The following GET3 variants were observed in gnomAD, a reference collection of about 807,000 sequenced individuals.
GET3 encodes the protein ATPase GET3.
In GET3, 15 loss-of-function variants were observed where a neutral mutation model predicts 32.4. The ratio of observed to expected loss-of-function variants is 0.46; its 90% CI spans 0.31 to 0.71. GET3 has a LOEUF of 0.71. Ranked by LOEUF, GET3 falls within the 30% of genes least tolerant of loss-of-function variation. The pLI, the probability that GET3 is intolerant of heterozygous loss-of-function variation, is 0.05. For missense variants in GET3, 333 were observed against 459.0 expected (o/e 0.73, Z 2.51); for synonymous variants, 198 against 185.6 (o/e 1.07, Z -0.54).
rs370605377 is a variant in GET3, at chr19:12,745,582, G to C, written c.459-27G>C. On this transcript the variant is annotated intron_variant, in intron 3 of 6. Transcript: ENST00000357332. This position sits in a 1 kb window ranked among gnomAD's most constrained non-coding sequence, Gnocchi z 5.0. ...CTGGGGAAGGGGAAGAGCGGACACA[G>C]AGGGCCTGACCCCTGTCTCCCCTCA... The C allele has an allele frequency of 6.8e-6, 11 of 1,612,392 alleles. No individual in the cohort carries two copies. The highest frequency in any genetic ancestry group is 1.3e-5 in the African/African-American group (1 of 74,862).
Position 12,747,206 on chromosome 19 carries a change from A to G in GET3, c.619A>G (p.Met207Val), listed in dbSNP as rs1323976623. 2.5e-6 allele frequency: 4 copies of G among 1,602,736 alleles called. No individual in the cohort carries two copies. Among genetic ancestry groups the G allele is most frequent in the East Asian group, 2.2e-5 (1 of 44,774 alleles). ...ISPFISQMCN[M>V]LGLGDMNADQ... Reference sequence around the variant, plus strand: ...CACATCCCCCCTGCAGATGTGCAACATGCTGGGCCTGGGGGACATGAACGC... The same window carrying G: ...CACATCCCCCCTGCAGATGTGCAACGTGCTGGGCCTGGGGGACATGAACGC... Residue 207 changes from methionine (M) to valine (V), a missense_variant, in exon 5 of 7, where the codon ATG becomes GTG. Met to Val is a conservative substitution (Grantham distance 21). Transcript: ENST00000357332. This position sits in a 1 kb window ranked among gnomAD's most constrained non-coding sequence, Gnocchi z 4.0.
rs202237708 is a variant in GET3 at position 12,738,501 on chromosome 19, C to T, written c.162-10C>T. The T allele has an allele frequency of 3.1e-6, 5 of 1,613,886 alleles. No homozygotes were observed. Among genetic ancestry groups the T allele is most frequent in the Non-Finnish European group, 4.2e-6 (5 of 1,179,962 alleles). On this transcript the variant is annotated splice_polypyrimidine_tract_variant and intron_variant, in intron 1 of 6. Transcript: ENST00000357332. Reference sequence around the variant, plus strand: ...CTCATCCCCTATCTTTTGACTTTTCCATTACTCAGCTGCAGCCTGGCAGTC... The same window carrying T: ...CTCATCCCCTATCTTTTGACTTTTCTATTACTCAGCTGCAGCCTGGCAGTC...
chr19:12,747,371 A>T lies in GET3; in HGVS notation c.718-24A>T, dbSNP rs937568511. On this transcript the variant is annotated intron_variant, in intron 5 of 6. Coordinates refer to ENST00000357332, the MANE Select transcript of GET3 (RefSeq NM_004317.4). This position sits in a 1 kb window ranked among gnomAD's most constrained non-coding sequence, Gnocchi z 4.0. The stretch of plus-strand genomic sequence containing the variant: ...AGGACAGGGGCAGACCCCGCCCCTC[A>T]CTGTCCTCTCTCGTGCCCTGTAGGA... The T allele has an allele frequency of 2.5e-6, 4 of 1,613,468 alleles. No homozygotes were observed. Among genetic ancestry groups the T allele is most frequent in the Non-Finnish European group, 3.4e-6 (4 of 1,179,508 alleles).
rs1382158341 is a variant in GET3 at position 12,747,933 on chromosome 19, C to A, written c.916-40C>A. 4 of 1,540,818 alleles carry A rather than the reference C, an allele frequency of 2.6e-6. No individual in the cohort carries two copies. Among genetic ancestry groups the A allele is most frequent in the East Asian group, 4.5e-5 (2 of 44,060 alleles). ...TCCACACTCTGTCTCTGCCTTCCTG[C>A]CCCCTGACCACTGCCTTCTACCCTC... On this transcript the variant is annotated intron_variant, in intron 6 of 6. Transcript: ENST00000357332. The surrounding 1 kb of genome is among the most constrained non-coding windows in gnomAD (Gnocchi z 4.0).
Position 12,748,162 on chromosome 19 carries a change from C to A in GET3, c.*58C>A. Reference sequence around the variant, plus strand: ...CACTCACCCTCCACCCTCCCCACCCCCTCGGGGCAGAGTTTGCACAAAGTC... The same window carrying A: ...CACTCACCCTCCACCCTCCCCACCCACTCGGGGCAGAGTTTGCACAAAGTC... On this transcript the variant is annotated 3_prime_UTR_variant, in exon 7 of 7. Transcript: ENST00000357332. 6.7e-7 allele frequency: 1 copy of A among 1,494,480 alleles called. No homozygotes were observed. Among genetic ancestry groups the A allele is most frequent in the East Asian group, 2.4e-5 (1 of 41,434 alleles). 92.6% of individuals were successfully genotyped at this position (1,494,480 alleles called of 1,614,324 possible).
rs187004022 is a variant in GET3, at chr19:12,744,171, G to A, written c.310-1206G>A. Among the ~76,000 whole-genome samples, 524 of 145,826 alleles carry A rather than the reference G, an allele frequency of 3.6e-3. 5 individuals carry two copies. Among genetic ancestry groups the A allele is most frequent in the African/African-American group, 0.012 (490 of 39,478 alleles). The stretch of plus-strand genomic sequence containing the variant: ...GTGGAGGTTGTGATGAGCTGAGATC[G>A]CGCCACTGCACTCCAGCCTAGGCAA... On this transcript the variant is annotated intron_variant, in intron 2 of 6. Transcript: ENST00000357332.
intron 2 of GET3, among the ~76,000 whole-genome samples, chr19:12,739,561 A>G (rs944007162): frequency 6.6e-6 from 1 of 152,222 alleles, no homozygotes; most frequent in South Asian, 2.1e-4. Context: ...AGCAGCTGGG[A>G]TGGGGAAAAC....
intron 4 of GET3, among the ~76,000 whole-genome samples, chr19:12,746,123 G>A (rs369104580): frequency 2.0e-5 from 3 of 152,132 alleles, no homozygotes; most frequent in South Asian, 4.1e-4. Flanking sequence ...TCATGAGAGT[G>A]CCCCATGGGT....
At position 12,747,148 on chromosome 19, in the gene GET3, A is replaced by C; in HGVS notation, c.610-49A>C. ...CGGGTGTTTAGTGAACCCCCAACCCAGGAGGTCGCCGCAGGTAAGCTATGA... is the reference window on the plus strand; with the variant it reads ...CGGGTGTTTAGTGAACCCCCAACCCCGGAGGTCGCCGCAGGTAAGCTATGA... On this transcript the variant is annotated intron_variant, in intron 4 of 6. Coordinates refer to ENST00000357332, the MANE Select transcript of GET3 (RefSeq NM_004317.4). This position sits in a 1 kb window ranked among gnomAD's most constrained non-coding sequence, Gnocchi z 4.0. The C allele has an allele frequency of 6.7e-7, 1 of 1,501,394 alleles. No homozygotes were observed. Among genetic ancestry groups the C allele is most frequent in the Non-Finnish European group, 9.0e-7 (1 of 1,116,176 alleles). 93.0% of individuals were successfully genotyped at this position (1,501,394 alleles called of 1,614,324 possible).
rs140119450 is a variant in GET3, at chr19:12,745,645, T to C, written c.495T>C (p.Phe165=). The change falls in exon 4 of 7, where the codon TTT becomes TTC. Residue 165 remains phenylalanine, a synonymous_variant. Coordinates refer to ENST00000357332, the MANE Select transcript of GET3 (RefSeq NM_004317.4). This position sits in a 1 kb window ranked among gnomAD's most constrained non-coding sequence, Gnocchi z 5.0. ...GCATGAACTTCTCGGTGGTGGTATT[T>C]GACACGGCACCCACGGGCCACACCC... is the stretch of plus-strand genomic sequence containing the variant. The part of the protein sequence containing the change: ...VKGMNFSVVV[F]DTAPTGHTLR... 6.4e-5 allele frequency: 103 copies of C among 1,607,328 alleles called. No homozygotes were observed. The highest frequency in any genetic ancestry group is 8.1e-5 in the Non-Finnish European group (95 of 1,178,106).
chr19:12,738,755 A>G (rs901226294), intron 2 of GET3, 97 bp downstream of exon 2: 24 of 1,462,866 alleles, frequency 1.6e-5, no homozygotes, highest in Admixed American at 3.9e-5. Context: ...TATCCACTCT[A>G]TATCCTGTGT....
In GET3 at chr19:12,738,591, A is replaced by G; in HGVS notation, c.242A>G (p.Asp81Gly). 6.2e-7 allele frequency: 1 copy of G among 1,614,224 alleles called. No individual in the cohort carries two copies. Among genetic ancestry groups the G allele is most frequent in the Non-Finnish European group, 8.5e-7 (1 of 1,180,042 alleles). The change falls in exon 2 of 7, where the codon GAT (aspartate) becomes GGT (glycine). Residue 81 changes from aspartate (D) to glycine (G), a missense_variant. Asp to Gly is a moderately conservative substitution (Grantham distance 94). Around this residue, in one of 3 missense-constraint regions of GET3, gnomAD observed 230 missense variants for 389.2 expected, o/e 0.59. Transcript: ENST00000357332. The part of the protein sequence containing the change: ...ISTDPAHNIS[D>G]AFDQKFSKVP... ...ACAGACCCAGCACACAACATCTCAGATGCTTTTGACCAGAAGTTCTCAAAG... is the reference window on the plus strand; with the variant it reads ...ACAGACCCAGCACACAACATCTCAGGTGCTTTTGACCAGAAGTTCTCAAAG...
chr19:12,739,292 C>G (rs1225861063), intron 2 of GET3, among the ~76,000 whole-genome samples: 21 of 152,102 alleles, frequency 1.4e-4, no homozygotes, highest in Admixed American at 1.4e-3. Context: ...CTCAGCCTCC[C>G]GAGTAGCTGG....
chr19:12,747,384 G>C lies in GET3; in HGVS notation c.718-11G>C, dbSNP rs761286718. Reference sequence around the variant, plus strand: ...ACCCCGCCCCTCACTGTCCTCTCTCGTGCCCTGTAGGAGCAGACAACTTTC... The same window carrying C: ...ACCCCGCCCCTCACTGTCCTCTCTCCTGCCCTGTAGGAGCAGACAACTTTC... On this transcript the variant is annotated splice_polypyrimidine_tract_variant and intron_variant, in intron 5 of 6. Transcript: ENST00000357332. This position sits in a 1 kb window ranked among gnomAD's most constrained non-coding sequence, Gnocchi z 4.0. 8 of 1,613,926 alleles carry C rather than the reference G, an allele frequency of 5.0e-6. No homozygotes were observed. The highest frequency in any genetic ancestry group is 5.9e-6 in the Non-Finnish European group (7 of 1,179,980).
intron 2 of GET3, among the ~76,000 whole-genome samples, chr19:12,742,392 C>T (rs530251219): frequency 7.1e-4 from 108 of 151,758 alleles, no homozygotes; most frequent in South Asian, 1.9e-3. Flanking sequence ...CCACCACATC[C>T]GGCTAATTTT....
In GET3 at chr19:12,737,523, C is replaced by G; in HGVS notation, c.18C>G (p.Ala6=). 6.4e-7 allele frequency: 1 copy of G among 1,561,224 alleles called. No individual in the cohort carries two copies. Among genetic ancestry groups the G allele is most frequent in the Non-Finnish European group, 8.7e-7 (1 of 1,155,690 alleles). Residue 6 remains alanine, a synonymous_variant, in exon 1 of 7, where the codon GCC becomes GCG. Transcript: ENST00000357332. MAAGV[A]GWGVEAEEFE... ...GTTCCAAAATGGCGGCAGGGGTGGCCGGGTGGGGGGTTGAGGCAGAGGAGT... is the reference window on the plus strand; with the variant it reads ...GTTCCAAAATGGCGGCAGGGGTGGCGGGGTGGGGGGTTGAGGCAGAGGAGT...
In GET3 at chr19:12,738,593, G is replaced by A. The variant is rs139679019; in HGVS notation, c.244G>A (p.Ala82Thr). 2.1e-5 allele frequency: 34 copies of A among 1,614,228 alleles called. No individual in the cohort carries two copies. Among genetic ancestry groups the A allele is most frequent in the Non-Finnish European group, 2.9e-5 (34 of 1,180,050 alleles). Residue 82 changes from alanine to threonine, a missense_variant, in exon 2 of 7, where the codon GCT becomes ACT. By Grantham distance (58) the Ala-to-Thr change is moderately conservative. Transcript: ENST00000357332. The stretch of plus-strand genomic sequence containing the variant: ...AGACCCAGCACACAACATCTCAGAT[G>A]CTTTTGACCAGAAGTTCTCAAAGGT... Reference protein sequence around the residue: ...STDPAHNISDAFDQKFSKVPT... With the variant: ...STDPAHNISDTFDQKFSKVPT...
chr19:12,741,783 G>T (rs1967673903), intron 2 of GET3, among the ~76,000 whole-genome samples: 1 of 151,736 alleles, frequency 6.6e-6, no homozygotes, highest in South Asian at 2.1e-4. Context: ...AGTTGGGCCT[G>T]GTGGTGGGCG....
At chr19:12,740,445 G>C (rs1166945707) in intron 2 of GET3, among the ~76,000 whole-genome samples, 1 of 151,998 alleles carries the variant, frequency 6.6e-6, no homozygotes, top group Non-Finnish European at 1.5e-5. Context: ...GGGAGGCTGA[G>C]GCGGGCAGAT....
Sources: gnomAD v4.1 joint callset for allele counts (sites outside exome capture counted in the v4.1 genomes callset) on GRCh38, gnomAD v4.1.1 for gene constraint, gnomAD v4.1.1 regional missense constraint, Gnocchi (gnomAD v3.1) non-coding constraint, MANE v1.5 for transcripts, NCBI Gene and HGNC (gene_info 2026-07-23, HGNC 2026-07-21) for gene names.